Variants in CASK observed in about 807,000 individuals in gnomAD.
CASK encodes the protein peripheral plasma membrane protein CASK.
A neutral mutation model predicts 82.9 loss-of-function variants in CASK; 4 were observed. The observed-to-expected ratio is 0.05, with a 90% CI of 0.02 to 0.11. CASK has a LOEUF of 0.11. CASK is among the 10% of genes least tolerant of loss of function. The pLI, the probability that CASK is intolerant of heterozygous loss-of-function variation, is 1.00. For synonymous variants in CASK, 259 were observed against 253.5 expected (o/e 1.02, Z -0.20); for missense variants, 358 against 720.9 (o/e 0.50, Z 5.76).
chrX:41,824,863 G>A (rs190739214), intron 2 of CASK, among the ~76,000 whole-genome samples: 23 of 111,769 alleles, frequency 2.1e-4, no homozygotes, highest in Admixed American at 1.2e-3. Flanking sequence ...TATCTCAGCC[G>A]TTGGAATAGC....
chrX:41,854,206 G>A (rs929016456), intron 1 of CASK, among the ~76,000 whole-genome samples: 3 of 95,471 alleles, frequency 3.1e-5, no homozygotes, highest in Non-Finnish European at 6.2e-5. Flanking sequence ...GGGAACATGC[G>A]CGCGCGCGCG....
intron 3 of CASK, among the ~76,000 whole-genome samples, chrX:41,771,813 A>G (rs2069249712): frequency 9.0e-6 from 1 of 111,505 alleles, no homozygotes; most frequent in Admixed American, 9.6e-5. Flanking sequence ...ACCATAGATA[A>G]AACTCAAAAT....
chrX:41,655,606 ATCC>A (rs938696885), intron 8 of CASK, among the ~76,000 whole-genome samples: 1 of 111,308 alleles, frequency 9.0e-6, no homozygotes, highest in African/African-American at 3.3e-5. Flanking sequence ...AGGAGGAAAC[ATCC>A]TCAAGCAGGG....
chrX:41,550,401 A>C (rs1191108699), intron 21 of CASK, among the ~76,000 whole-genome samples: 1 of 111,269 alleles, frequency 9.0e-6, no homozygotes, highest in Non-Finnish European at 1.9e-5. Context: ...TTGTATGGCT[A>C]TATCACAATT....
intron 2 of CASK, among the ~76,000 whole-genome samples, chrX:41,826,747 G>T (rs2070675871): frequency 1.8e-5 from 2 of 111,984 alleles, no homozygotes; most frequent in Admixed American, 1.9e-4. Flanking sequence ...AAAGTGCTGG[G>T]ATTACAGGTG....
In CASK at chrX:41,782,036, A is replaced by G. The variant is rs149756936; in HGVS notation, c.278+5142T>C. Reference sequence around the variant, plus strand: ...AAACTGAGTATCAACTGATCATGACATGATATTAAGGAATTATTGTTGATT... The same window carrying G: ...AAACTGAGTATCAACTGATCATGACGTGATATTAAGGAATTATTGTTGATT... On this transcript the variant is annotated intron_variant, in intron 3 of 26. Transcript: ENST00000378163. 1.7e-3 allele frequency among the ~76,000 whole-genome samples: 193 copies of G among 111,843 alleles called. 4 individuals are homozygous for G. In the East Asian group the frequency reaches 0.043, roughly 25 times the overall value.
intron 1 of CASK, among the ~76,000 whole-genome samples, chrX:41,861,622 A>C (rs1389493986): frequency 9.3e-6 from 1 of 107,260 alleles, no homozygotes; most frequent in Non-Finnish European, 1.9e-5. Flanking sequence ...AAGACAAAGA[A>C]TATAAAGAAT....
intron 2 of CASK, among the ~76,000 whole-genome samples, chrX:41,843,504 C>T (rs2147951846): frequency 9.0e-6 from 1 of 111,672 alleles, no homozygotes; most frequent in South Asian, 3.7e-4. Flanking sequence ...TGTTATAATT[C>T]TACTTACTCG....
chrX:41,627,846 T>C (rs1221043050), intron 9 of CASK, among the ~76,000 whole-genome samples: 3 of 111,227 alleles, frequency 2.7e-5, no homozygotes, highest in East Asian at 5.7e-4. Context: ...CTACTAAAAA[T>C]ACAGAAAATT....
chrX:41,632,033 T>C (rs2066476161), intron 9 of CASK, among the ~76,000 whole-genome samples: 1 of 111,064 alleles, frequency 9.0e-6, no homozygotes, highest in Non-Finnish European at 1.9e-5. Context: ...CAGGCTCAAG[T>C]GATCCTCCCA....
At chrX:41,906,599 T>C (rs1157147467) in intron 1 of CASK, among the ~76,000 whole-genome samples, 1 of 112,352 alleles carries the variant, frequency 8.9e-6, no homozygotes, top group Non-Finnish European at 1.9e-5. Context: ...AAAGCTTACC[T>C]CTAGCTCTTG....
chrX:41,537,818 T>A (rs868503976), intron 22 of CASK, among the ~76,000 whole-genome samples: 8 of 95,384 alleles, frequency 8.4e-5, no homozygotes, highest in African/African-American at 3.0e-4. Flanking sequence ...GCCTATTACT[T>A]TTATTATTAT....
chrX:41,639,476 C>T (rs1281139957), intron 8 of CASK, among the ~76,000 whole-genome samples: 1 of 105,829 alleles, frequency 9.4e-6, no homozygotes, highest in Non-Finnish European at 1.9e-5. Flanking sequence ...AGTTAGGAGG[C>T]TTTTACAGTA....
At chrX:41,534,572 TG>T in intron 24 of CASK, 133 bp downstream of exon 24, 1 of 510,811 alleles carries the variant, frequency 2.0e-6, no homozygotes, top group Non-Finnish European at 3.3e-6. Context: ...TTTTCCTCCT[TG>T]TTCTTTTTTT....
At chrX:41,586,805 TA>T in intron 14 of CASK, 101 bp downstream of exon 14, 1 of 540,748 alleles carries the variant, frequency 1.8e-6, no homozygotes, top group Non-Finnish European at 3.2e-6. Context: ...ATGATATGGA[TA>T]AAAATGCATG....
At chrX:41,714,638 T>A (rs974027982) in intron 5 of CASK, among the ~76,000 whole-genome samples, 4 of 111,674 alleles carry the variant, frequency 3.6e-5, no homozygotes, top group African/African-American at 1.3e-4. Flanking sequence ...TACTCAGAAG[T>A]CTGTGAGCAT....
At chrX:41,633,929 T>A (rs929138378) in intron 9 of CASK, among the ~76,000 whole-genome samples, 2 of 110,691 alleles carry the variant, frequency 1.8e-5, no homozygotes, top group African/African-American at 6.6e-5. Flanking sequence ...ACTTGGTTAA[T>A]TTTTGTATAT....
At chrX:41,655,049 G>T (rs1303583069) in intron 8 of CASK, among the ~76,000 whole-genome samples, 1 of 109,163 alleles carries the variant, frequency 9.2e-6, no homozygotes, top group Non-Finnish European at 1.9e-5. Context: ...ATGAGATTTG[G>T]AATGTTTAAA....
chrX:41,916,352 C>G (rs912221548), intron 1 of CASK, among the ~76,000 whole-genome samples: 8 of 111,795 alleles, frequency 7.2e-5, no homozygotes, highest in Admixed American at 5.7e-4. Context: ...AAGTCAGAGA[C>G]TCTATACTGA....
Sources: allele counts gnomAD v4.1 joint callset (sites outside exome capture counted in the v4.1 genomes callset), GRCh38; gene constraint gnomAD v4.1.1; transcripts MANE v1.5; gene names NCBI Gene and HGNC (gene_info 2026-07-23, HGNC 2026-07-21).